Variants in TRPM3 observed in about 807,000 individuals in gnomAD.
TRPM3 encodes transient receptor potential cation channel subfamily M member 3.
Under a neutral mutation model 181.2 loss-of-function variants are expected in TRPM3, and 77 were observed. That is an observed-to-expected ratio of 0.42 (90% CI 0.35 to 0.51). The LOEUF (loss-of-function observed/expected upper bound fraction) is 0.51, where lower values mean the gene tolerates loss of function less well. Among genes scored for constraint, TRPM3 ranks in the 20% least tolerant of loss-of-function variants. TRPM3 has a pLI of 0.01. For synonymous variants in TRPM3, 745 were observed against 796.4 expected (o/e 0.94, Z 1.09); for missense variants, 1,759 against 2,196.7 (o/e 0.80, Z 3.98).
chr9:70,548,847 G>GCGCT (rs113538099), intron 25 of TRPM3, among the ~76,000 whole-genome samples: 1 of 150,062 alleles, frequency 6.7e-6, no homozygotes, highest in African/African-American at 2.4e-5. Context: ...AAGATCTTGT[G>GCGCT]CTCTCTCTCT....
chr9:70,620,225 C>G lies in TRPM3; in HGVS notation c.1980G>C (p.Arg660=). The change falls in exon 16 of 26, where the codon CGG becomes CGC. Residue 660 remains arginine (R), a synonymous_variant. Transcript: ENST00000677713. ...GCCAGAAGAACAGGGCCATCTTCTG[C>G]CGCTTCATGAGAACAGCCCACACCA... ...ELMVWAVLMK[R]QKMALFFWQH... 1 of 1,614,242 alleles carries G rather than the reference C, an allele frequency of 6.2e-7. No homozygotes were observed. The highest frequency in any genetic ancestry group is 8.5e-7 in the Non-Finnish European group (1 of 1,180,046).
intron 9 of TRPM3, among the ~76,000 whole-genome samples, chr9:70,660,151 A>G (rs1261600447): frequency 6.6e-6 from 1 of 152,148 alleles, no homozygotes; most frequent in African/African-American, 2.4e-5. Context: ...GCTTTCTCCA[A>G]AAGATTTTAA....
intron 1 of TRPM3, among the ~76,000 whole-genome samples, chr9:71,047,836 AC>A (rs2059620892): frequency 6.6e-6 from 1 of 151,410 alleles, no homozygotes; most frequent in Non-Finnish European, 1.5e-5. Context: ...ACACACACAC[AC>A]ACACACACAC....
chr9:70,901,378 T>C (rs2096384363), intron 1 of TRPM3, among the ~76,000 whole-genome samples: 1 of 152,166 alleles, frequency 6.6e-6, no homozygotes, highest in Admixed American at 6.5e-5. Flanking sequence ...AAGGCACACA[T>C]TCTAAAGGCA....
chr9:71,414,916 T>A (rs2093613951), intron 1 of TRPM3, among the ~76,000 whole-genome samples: 1 of 152,114 alleles, frequency 6.6e-6, no homozygotes, highest in South Asian at 2.1e-4. Context: ...TGTAACAGCC[T>A]GCATCATGGC....
intron 11 of TRPM3, among the ~76,000 whole-genome samples, chr9:70,636,810 C>T (rs2057286856): frequency 6.6e-6 from 1 of 151,606 alleles, no homozygotes; most frequent in African/African-American, 2.4e-5. Context: ...GTCTCAGCCT[C>T]TGGAGTAGCT....
At chr9:70,856,874 C>T (rs1335755344) in intron 3 of TRPM3, among the ~76,000 whole-genome samples, 2 of 152,110 alleles carry the variant, frequency 1.3e-5, no homozygotes, top group African/African-American at 4.8e-5. Flanking sequence ...ACCTGGCCCA[C>T]AAGTCAGCTC....
intron 1 of TRPM3, among the ~76,000 whole-genome samples, chr9:71,410,815 T>C (rs1402168805): frequency 6.6e-6 from 1 of 152,198 alleles, no homozygotes; most frequent in Admixed American, 6.6e-5. Flanking sequence ...AAAGGAATTT[T>C]AGACCAATAC....
intron 1 of TRPM3, among the ~76,000 whole-genome samples, chr9:71,173,082 C>T (rs919213327): frequency 1.3e-5 from 2 of 152,164 alleles, no homozygotes; most frequent in Non-Finnish European, 2.9e-5. Context: ...CACTGAACAA[C>T]TCAATTGTCA....
At chr9:71,021,325 C>T (rs2097845432) in intron 1 of TRPM3, among the ~76,000 whole-genome samples, 1 of 152,048 alleles carries the variant, frequency 6.6e-6, no homozygotes, top group Non-Finnish European at 1.5e-5. Context: ...ATAATTTGTG[C>T]TTTTTAAGTA....
At chr9:71,227,613 G>A (rs1337064927) in intron 1 of TRPM3, among the ~76,000 whole-genome samples, 1 of 148,894 alleles carries the variant, frequency 6.7e-6, no homozygotes, top group Admixed American at 6.7e-5. Flanking sequence ...GAAAAAGAGA[G>A]AGGATCCAAA....
chr9:70,934,177 A>C (rs969637016), intron 1 of TRPM3, among the ~76,000 whole-genome samples: 16 of 152,174 alleles, frequency 1.1e-4, no homozygotes, highest in Non-Finnish European at 4.4e-5. Context: ...GGCTGATAAT[A>C]ATTTAAGTGG....
chr9:71,380,102 G>C (rs1004091806), intron 1 of TRPM3, among the ~76,000 whole-genome samples: 1 of 152,000 alleles, frequency 6.6e-6, no homozygotes, highest in South Asian at 2.1e-4. Context: ...GACTAAAATT[G>C]TTAGTATACA....
At chr9:70,895,203 T>A (rs981514163) in intron 1 of TRPM3, among the ~76,000 whole-genome samples, 1 of 152,206 alleles carries the variant, frequency 6.6e-6, no homozygotes, top group Non-Finnish European at 1.5e-5. Flanking sequence ...CATTTTCTTT[T>A]CTTTACACAA....
chr9:70,792,365 G>C (rs866165740), intron 6 of TRPM3, among the ~76,000 whole-genome samples: 6 of 151,878 alleles, frequency 4.0e-5, no homozygotes, highest in Non-Finnish European at 7.4e-5. Flanking sequence ...GCCATATGCA[G>C]GTAGAAAACA....
chr9:71,266,129 C>A (rs542730638), intron 1 of TRPM3, among the ~76,000 whole-genome samples: 62 of 152,272 alleles, frequency 4.1e-4, no homozygotes, highest in African/African-American at 1.4e-3. Context: ...AAGTTTCTGC[C>A]ATTCTCTGTT....
intron 24 of TRPM3, among the ~76,000 whole-genome samples, chr9:70,550,029 G>A (rs2046084488): frequency 6.6e-6 from 1 of 152,156 alleles, no homozygotes; most frequent in Non-Finnish European, 1.5e-5. Context: ...CTGGGGGTGT[G>A]GCAGAGAGAC....
chr9:70,984,183 A>G (rs1402255657), intron 1 of TRPM3, among the ~76,000 whole-genome samples: 2 of 152,254 alleles, frequency 1.3e-5, no homozygotes, highest in African/African-American at 4.8e-5. Flanking sequence ...TACAATAAAC[A>G]TGAGAGGAAT....
intron 9 of TRPM3, among the ~76,000 whole-genome samples, chr9:70,669,441 C>G (rs562758670): frequency 2.8e-4 from 43 of 152,172 alleles, no homozygotes; most frequent in Admixed American, 1.4e-3. Flanking sequence ...ACAAAGAACA[C>G]CATGCTGTCA....
Sources: gnomAD v4.1 joint callset for allele counts (sites outside exome capture counted in the v4.1 genomes callset) on GRCh38, gnomAD v4.1.1 for gene constraint, MANE v1.5 for transcripts, NCBI Gene and HGNC (gene_info 2026-07-23, HGNC 2026-07-21) for gene names.